The following TRHDE variants were observed in gnomAD, a reference collection of about 807,000 sequenced individuals.
The protein encoded by TRHDE is thyrotropin releasing hormone degrading enzyme.
A neutral mutation model predicts 125.7 loss-of-function variants in TRHDE; 72 were observed. The ratio of observed to expected loss-of-function variants is 0.57; its 90% CI spans 0.47 to 0.70. The LOEUF is 0.70. Among genes scored for constraint, TRHDE ranks in the 30% least tolerant of loss-of-function variants. TRHDE has a pLI of 0.00. For missense variants in TRHDE, 1,110 were observed against 1,327.1 expected (o/e 0.84, Z 2.54); for synonymous variants, 509 against 509.1 (o/e 1.00, Z 0.00).
chr12:72,542,163 T>C, intron 6 of TRHDE, 128 bp from the exon 7 acceptor site: 1 of 575,448 alleles, frequency 1.7e-6, no homozygotes, highest in Non-Finnish European at 2.8e-6. Flanking sequence ...GTTTTCATGA[T>C]ACTGCTGTTT....
At chr12:72,537,111 G>T (rs1050715647) in intron 6 of TRHDE, among the ~76,000 whole-genome samples, 3 of 151,976 alleles carry the variant, frequency 2.0e-5, no homozygotes, top group African/African-American at 7.2e-5. Flanking sequence ...TTTCTACAAG[G>T]TGTGTAAACT....
intron 2 of TRHDE, among the ~76,000 whole-genome samples, chr12:72,306,087 T>C (rs1402542421): frequency 2.0e-5 from 3 of 152,184 alleles, no homozygotes; most frequent in Non-Finnish European, 4.4e-5. Context: ...TCTGCTGCCT[T>C]ATGGCCAAGT....
At chr12:72,568,776 G>T in intron 10 of TRHDE, 120 bp downstream of exon 10, 1 of 576,590 alleles carries the variant, frequency 1.7e-6, no homozygotes, top group South Asian at 3.1e-5. Context: ...AGAATATAAA[G>T]GAATGATTAT....
chr12:72,419,641 C>T (rs1873871322), intron 3 of TRHDE, among the ~76,000 whole-genome samples: 1 of 152,084 alleles, frequency 6.6e-6, no homozygotes, highest in South Asian at 2.1e-4. Context: ...AATCTGCTCC[C>T]ATGATACAGT....
intron 2 of TRHDE, among the ~76,000 whole-genome samples, chr12:72,168,185 A>T (rs944026392): frequency 1.3e-5 from 2 of 152,204 alleles, no homozygotes; most frequent in East Asian, 3.9e-4. Context: ...GGTTTTATGT[A>T]GATACTGGGT....
intron 2 of TRHDE, among the ~76,000 whole-genome samples, chr12:72,341,454 T>C (rs529849083): frequency 7.2e-5 from 11 of 152,256 alleles, no homozygotes; most frequent in African/African-American, 2.4e-4. Context: ...TTCTTAAGTC[T>C]GATTTTGTTT....
intron 2 of TRHDE, among the ~76,000 whole-genome samples, chr12:72,139,020 A>G (rs1390119553): frequency 6.6e-6 from 1 of 152,232 alleles, no homozygotes; most frequent in African/African-American, 2.4e-5. Flanking sequence ...GATTTACTTC[A>G]GAAAGAGAAT....
intron 3 of TRHDE, among the ~76,000 whole-genome samples, chr12:72,442,797 T>G (rs1004925941): frequency 2.0e-5 from 3 of 151,870 alleles, no homozygotes; most frequent in African/African-American, 7.2e-5. Context: ...AGGAGAGGAT[T>G]TTTAGGTTCC....
At chr12:72,341,357 A>C (rs1870079897) in intron 2 of TRHDE, among the ~76,000 whole-genome samples, 1 of 151,890 alleles carries the variant, frequency 6.6e-6, no homozygotes, top group South Asian at 2.1e-4. Flanking sequence ...AGGAGTGAGA[A>C]CATGTGGTGG....
chr12:72,425,243 CTA>C (rs568356286), intron 3 of TRHDE, among the ~76,000 whole-genome samples: 74 of 152,240 alleles, frequency 4.9e-4, no homozygotes, highest in African/African-American at 1.7e-3. Flanking sequence ...CCTTGGAAAA[CTA>C]TAGCGGATTG....
Position 72,621,698 on chromosome 12 carries a change from T to C in TRHDE, c.2622T>C (p.Cys874=), listed in dbSNP as rs117681286. 20 of 1,608,662 alleles carry C rather than the reference T, an allele frequency of 1.2e-5. No individual in the cohort carries two copies. The highest frequency in any genetic ancestry group is 1.6e-5 in the Non-Finnish European group (19 of 1,178,238). ...CCTGCAGTTTTGGCAACAAGCACTGTCACCAACAGGCATCAACACTTATTT... is the reference window on the plus strand; with the variant it reads ...CCTGCAGTTTTGGCAACAAGCACTGCCACCAACAGGCATCAACACTTATTT... The part of the protein sequence containing the change: ...MLACSFGNKH[C]HQQASTLISD... The change falls in exon 15 of 19, where the codon TGT becomes TGC. Residue 874 remains cysteine (C), a synonymous_variant. Coordinates refer to ENST00000261180, the MANE Select transcript of TRHDE (RefSeq NM_013381.3).
At chr12:72,257,542 T>G (rs939808096) in intron 2 of TRHDE, 1 of 152,162 alleles carries the variant, frequency 6.6e-6, no homozygotes, top group Non-Finnish European at 1.5e-5. Context: ...GTGAGTTAGA[T>G]TCAGGCAAGA....
At chr12:72,153,653 T>A (rs532854261) in intron 2 of TRHDE, among the ~76,000 whole-genome samples, 3,674 of 150,594 alleles carry the variant, frequency 0.024, 90 homozygotes, top group African/African-American at 0.056. Context: ...TTTGTTATGT[T>A]CCCAGTAGTC....
chr12:72,624,690 A>G (rs1321511257), intron 15 of TRHDE, among the ~76,000 whole-genome samples: 1 of 151,918 alleles, frequency 6.6e-6, no homozygotes, highest in Non-Finnish European at 1.5e-5. Flanking sequence ...ACATTCTAAT[A>G]CCTGTTAAAA....
intron 2 of TRHDE, among the ~76,000 whole-genome samples, chr12:72,321,788 A>G (rs1293580930): frequency 2.6e-5 from 4 of 152,146 alleles, no homozygotes; most frequent in Admixed American, 6.6e-5. Flanking sequence ...GTAAATAACC[A>G]TTTGTAAATA....
chr12:72,442,753 A>G (rs1875077689), intron 3 of TRHDE, among the ~76,000 whole-genome samples: 2 of 151,778 alleles, frequency 1.3e-5, no homozygotes, highest in Admixed American at 1.3e-4. Context: ...TTGTGCTCCC[A>G]TGTAAGGAGT....
intron 15 of TRHDE, among the ~76,000 whole-genome samples, chr12:72,629,582 C>T (rs923905800): frequency 3.3e-5 from 5 of 151,544 alleles, no homozygotes; most frequent in Admixed American, 1.3e-4. Flanking sequence ...AAGAACAACG[C>T]TTATTAAACT....
intron 6 of TRHDE, among the ~76,000 whole-genome samples, chr12:72,509,024 A>G (rs1461517981): frequency 6.6e-6 from 1 of 152,048 alleles, no homozygotes; most frequent in Non-Finnish European, 1.5e-5. Context: ...GAGCCAATTA[A>G]ACCTCTTTTC....
chr12:72,176,722 T>G (rs140114085), intron 2 of TRHDE, among the ~76,000 whole-genome samples: 3 of 152,326 alleles, frequency 2.0e-5, no homozygotes, highest in African/African-American at 7.2e-5. Flanking sequence ...TTGAAAATTT[T>G]CAGTCACATT....
Sources: allele counts gnomAD v4.1 joint callset (sites outside exome capture counted in the v4.1 genomes callset), GRCh38; gene constraint gnomAD v4.1.1; transcripts MANE v1.5; gene names NCBI Gene and HGNC (gene_info 2026-07-23, HGNC 2026-07-21).